TBC1D24: variants seen among roughly 807,000 people sequenced by gnomAD.
TBC1D24 encodes TBC1 domain family member 24, also known as Infantile myoclonic epilepsy.
A neutral mutation model predicts 50.7 loss-of-function variants in TBC1D24; 47 were observed. That is an observed-to-expected ratio of 0.93 (90% confidence interval 0.73 to 1.18). The LOEUF is 1.18. TBC1D24 is among the 50% of genes most tolerant of loss of function. TBC1D24 has a pLI of 0.00. For synonymous variants in TBC1D24, 324 were observed against 335.2 expected (o/e 0.97, Z 0.36); for missense variants, 688 against 766.5 (o/e 0.90, Z 1.21).
intron 1 of TBC1D24, among the ~76,000 whole-genome samples, chr16:2,489,446 T>TAATA (rs894383274): frequency 1.3e-5 from 2 of 151,940 alleles, no homozygotes; most frequent in Non-Finnish European, 1.5e-5. Flanking sequence ...AATAAATAAA[T>TAATA]AATAAATAAA....
rs962013483 is a variant in TBC1D24, at chr16:2,502,966, A to G, written c.*2008A>G. 5 of 152,350 alleles carry G rather than the reference A, an allele frequency of 3.3e-5. No homozygotes were observed. Among genetic ancestry groups the G allele is most frequent in the African/African-American group, 1.2e-4 (5 of 41,434 alleles). 9.4% of individuals were successfully genotyped at this position (152,350 alleles called of 1,614,324 possible). On this transcript the variant is annotated 3_prime_UTR_variant, in exon 8 of 8. Transcript: ENST00000646147. ...TGGGAGGCTGCCCGCTGTAGTGCTC[A>G]CCCACATTCTATGACTGGAATGCTG...
chr16:2,496,105 C>A lies in TBC1D24; in HGVS notation c.-44C>A. On this transcript the variant is annotated 5_prime_UTR_variant, in exon 2 of 8. Transcript: ENST00000646147. ...CTGGAGGATTTAGCCACTCTGTCCT[C>A]CCCTTCCGGCAGTCCAGGGCCTCCT... 1.9e-6 allele frequency: 3 copies of A among 1,611,842 alleles called. No individual in the cohort carries two copies. Among genetic ancestry groups the A allele is most frequent in the Non-Finnish European group, 2.5e-6 (3 of 1,179,056 alleles).
intron 1 of TBC1D24, chr16:2,481,348 A>G (rs2065609019): frequency 6.6e-6 from 1 of 152,296 alleles, no homozygotes; most frequent in South Asian, 2.1e-4. Flanking sequence ...GTTTGAGACC[A>G]GCCTGGGCAG....
Position 2,500,376 on chromosome 16 carries a change from G to A in TBC1D24, c.1411G>A (p.Ala471Thr), listed in dbSNP as rs377448015. The A allele has an allele frequency of 1.6e-4, 261 of 1,607,268 alleles. No homozygotes were observed. Among genetic ancestry groups the A allele is most frequent in the Middle Eastern group, 6.6e-4 (4 of 6,046 alleles). The change falls in exon 7 of 8, where the codon GCC (alanine) becomes ACC (threonine). Residue 471 changes from alanine to threonine, a missense_variant. Ala to Thr is a moderately conservative substitution (Grantham distance 58, BLOSUM62 0). Coordinates refer to ENST00000646147, the MANE Select transcript of TBC1D24 (RefSeq NM_001199107.2). This position sits in a 1 kb window ranked among gnomAD's most constrained non-coding sequence, Gnocchi z 8.0. ...AEPTAPLSHS[A>T]SSDPADRLSP... ...GCCCACCGCCCCACTCAGCCACTCC[G>A]CCTCCTCAGACCCCGCTGACCGCCT...
Position 2,502,350 on chromosome 16 carries a change from A to G in TBC1D24, c.*1392A>G, listed in dbSNP as rs1700497302. On this transcript the variant is annotated 3_prime_UTR_variant, in exon 8 of 8. Coordinates refer to ENST00000646147, the MANE Select transcript of TBC1D24 (RefSeq NM_001199107.2). ...GGGGAGAAGGGAGACACAGAGGCCC[A>G]AGTGGCTGTTCTGGGACCATGGAAG... 6.6e-6 allele frequency: 1 copy of G among 152,336 alleles called. No individual in the cohort carries two copies. Among genetic ancestry groups the G allele is most frequent in the South Asian group, 2.1e-4 (1 of 4,834 alleles). The allele number at this position is 152,336 out of a possible 1,614,324, so 9.4% of individuals were successfully genotyped here.
chr16:2,497,992 T>G (rs1440391490), intron 3 of TBC1D24, among the ~76,000 whole-genome samples: 1 of 152,234 alleles, frequency 6.6e-6, no homozygotes, highest in African/African-American at 2.4e-5. Context: ...CCTGATTTCT[T>G]AGAGAAAAGT....
chr16:2,500,265 C>G lies in TBC1D24; in HGVS notation c.1303-3C>G. ...AGCTCCTCACACTCCCCTTCCACCCCAGCTGCAGCCTGAGGTGCAGCGCTA... is the reference window on the plus strand; with the variant it reads ...AGCTCCTCACACTCCCCTTCCACCCGAGCTGCAGCCTGAGGTGCAGCGCTA... On this transcript the variant is annotated splice_polypyrimidine_tract_variant and splice_region_variant and intron_variant, in intron 6 of 7. Transcript: ENST00000646147. The surrounding 1 kb of genome is among the most constrained non-coding windows in gnomAD (Gnocchi z 8.0). The G allele has an allele frequency of 6.3e-7, 1 of 1,597,726 alleles. No homozygotes were observed. Among genetic ancestry groups the G allele is most frequent in the Non-Finnish European group, 8.5e-7 (1 of 1,172,788 alleles).
chr16:2,496,584 A>G lies in TBC1D24; in HGVS notation c.436A>G (p.Ile146Val), dbSNP rs1272464584. The part of the protein sequence containing the change: ...AVVALLLHYS[I>V]DEAECFEKAC... ...GGTGGCCCTGCTGCTGCACTACAGC[A>G]TCGACGAGGCCGAGTGCTTCGAGAA... Residue 146 changes from isoleucine (I) to valine (V), a missense_variant, in exon 2 of 8, where the codon ATC becomes GTC. Ile to Val is a conservative substitution (Grantham distance 29). Transcript: ENST00000646147. 6.2e-7 allele frequency: 1 copy of G among 1,609,378 alleles called. No homozygotes were observed. The highest frequency in any genetic ancestry group is 2.2e-5 in the East Asian group (1 of 44,884).
At chr16:2,476,153 C>G (rs1045563117) in intron 1 of TBC1D24, among the ~76,000 whole-genome samples, 1 of 152,240 alleles carries the variant, frequency 6.6e-6, no homozygotes, top group South Asian at 2.1e-4. Context: ...CACCAGGTGA[C>G]TTCCAGGCAG....
intron 1 of TBC1D24, among the ~76,000 whole-genome samples, chr16:2,488,106 G>T (rs1433994601): frequency 6.6e-6 from 1 of 152,200 alleles, no homozygotes; most frequent in Non-Finnish European, 1.5e-5. Flanking sequence ...ATTAGCTCAG[G>T]GTGCCACACT....
At chr16:2,477,613 G>A (rs2065579007) in intron 1 of TBC1D24, 1 of 152,238 alleles carries the variant, frequency 6.6e-6, no homozygotes, top group Non-Finnish European at 1.5e-5. Context: ...CACTTCATAG[G>A]AGGCACCATG....
chr16:2,496,451 G>A lies in TBC1D24; in HGVS notation c.303G>A (p.Val101=), dbSNP rs752946518. ...CCGAGTTCGTGGACAACACGCAGGT[G>A]CCCAGCTACTGCCTGAATGCACGCG... The part of the protein sequence containing the change: ...PLPEFVDNTQ[V]PSYCLNARGE... The change falls in exon 2 of 8, where the codon GTG becomes GTA. Residue 101 remains valine, a synonymous_variant. Coordinates refer to ENST00000646147, the MANE Select transcript of TBC1D24 (RefSeq NM_001199107.2). The A allele has an allele frequency of 5.0e-6, 8 of 1,612,360 alleles. No homozygotes were observed. The Admixed American group carries it at 1.0e-4, about 20-fold the overall frequency.
At chr16:2,498,168 GC>G in intron 3 of TBC1D24, 69 bp from the exon 4 acceptor site, 1 of 1,534,118 alleles carries the variant, frequency 6.5e-7, no homozygotes, top group Non-Finnish European at 8.8e-7. Flanking sequence ...AGGCTCTGGG[GC>G]ATACCTCGGG....
intron 1 of TBC1D24, among the ~76,000 whole-genome samples, chr16:2,490,182 G>A (rs934543008): frequency 2.0e-5 from 3 of 152,200 alleles, no homozygotes; most frequent in Non-Finnish European, 4.4e-5. Flanking sequence ...AACTGTCTGT[G>A]TCTGTAATTC....
rs371415659 is a variant in TBC1D24 at position 2,496,119 on chromosome 16, C to T, written c.-30C>T. The T allele has an allele frequency of 1.2e-6, 2 of 1,613,024 alleles. No homozygotes were observed. Among genetic ancestry groups the T allele is most frequent in the Non-Finnish European group, 1.7e-6 (2 of 1,179,870 alleles). Reference sequence around the variant, plus strand: ...CACTCTGTCCTCCCCTTCCGGCAGTCCAGGGCCTCCTCCCGAGCACAGCGG... The same window carrying T: ...CACTCTGTCCTCCCCTTCCGGCAGTTCAGGGCCTCCTCCCGAGCACAGCGG... On this transcript the variant is annotated 5_prime_UTR_variant, in exon 2 of 8. Coordinates refer to ENST00000646147, the MANE Select transcript of TBC1D24 (RefSeq NM_001199107.2).
intron 1 of TBC1D24, among the ~76,000 whole-genome samples, chr16:2,493,282 G>A (rs1050901969): frequency 6.6e-6 from 1 of 151,626 alleles, no homozygotes; most frequent in African/African-American, 2.4e-5. Context: ...GGTACTACAG[G>A]CTCCCGCAAC....
rs1348586468 is a variant in TBC1D24 at position 2,499,828 on chromosome 16, C to T, written c.1207-7C>T. The T allele has an allele frequency of 6.2e-7, 1 of 1,612,934 alleles. No homozygotes were observed. ...CGGGCACAGCCTCACCCAGACCTTT[C>T]CCCCAGGTGTGTGGTGCTTACCTGT... On this transcript the variant is annotated splice_polypyrimidine_tract_variant and splice_region_variant and intron_variant, in intron 5 of 7. Coordinates refer to ENST00000646147, the MANE Select transcript of TBC1D24 (RefSeq NM_001199107.2). This position sits in a 1 kb window ranked among gnomAD's most constrained non-coding sequence, Gnocchi z 4.0.
At chr16:2,494,130 C>A (rs989825775) in intron 1 of TBC1D24, among the ~76,000 whole-genome samples, 1 of 152,150 alleles carries the variant, frequency 6.6e-6, no homozygotes, top group African/African-American at 2.4e-5. Flanking sequence ...GAACTGGGAA[C>A]GGGCTGGGCG....
At chr16:2,490,245 A>C (rs1317501997) in intron 1 of TBC1D24, among the ~76,000 whole-genome samples, 1 of 152,128 alleles carries the variant, frequency 6.6e-6, no homozygotes. Context: ...CTGGAATTGC[A>C]GGCTGGGCCC....
Sources: allele counts gnomAD v4.1 joint callset (sites outside exome capture counted in the v4.1 genomes callset), GRCh38; gene constraint gnomAD v4.1.1; non-coding constraint Gnocchi (gnomAD v3.1); transcripts MANE v1.5; gene names NCBI Gene and HGNC (gene_info 2026-07-23, HGNC 2026-07-21).